PCDH11X: variants seen among roughly 807,000 people sequenced by gnomAD.
PCDH11X encodes the protein protocadherin 11 X-linked, also known as protocadherin-11 X-linked.
A neutral mutation model predicts 53.3 loss-of-function variants in PCDH11X; 18 were observed. The ratio of observed to expected loss-of-function variants is 0.34; its 90% CI spans 0.23 to 0.50. The LOEUF (loss-of-function observed/expected upper bound fraction) is 0.50, where lower values mean the gene tolerates loss of function less well. Ranked by LOEUF, PCDH11X falls within the 20% of genes least tolerant of loss-of-function variation. The probability of loss-of-function intolerance (pLI) is 0.98; values close to 1 mark genes in which losing one functional copy is unlikely to be tolerated. For synonymous variants in PCDH11X, 279 were observed against 393.3 expected (o/e 0.71, Z 3.44); for missense variants, 570 against 1,032.4 (o/e 0.55, Z 6.14).
chrX:91,941,683 G>A (rs921709243), intron 6 of PCDH11X, among the ~76,000 whole-genome samples: 4 of 108,670 alleles, frequency 3.7e-5, no homozygotes, highest in African/African-American at 1.3e-4. Context: ...TAATAGACTG[G>A]ATTGCCACTG....
intron 6 of PCDH11X, among the ~76,000 whole-genome samples, chrX:92,159,707 A>G (rs2148255934): frequency 1.0e-5 from 1 of 98,517 alleles, no homozygotes; most frequent in African/African-American, 3.6e-5. Context: ...TGATTCTAGA[A>G]TCAGGCAACA....
chrX:91,932,092 G>C (rs1029039952), intron 6 of PCDH11X, among the ~76,000 whole-genome samples: 33 of 110,537 alleles, frequency 3.0e-4, no homozygotes, highest in Non-Finnish European at 4.5e-4. Context: ...TTGATTTTCT[G>C]CTCCTGTATC....
At chrX:92,449,681 G>T (rs2072739655) in intron 9 of PCDH11X, among the ~76,000 whole-genome samples, 1 of 110,728 alleles carries the variant, frequency 9.0e-6, no homozygotes, top group East Asian at 2.9e-4. Context: ...ATTACATTGC[G>T]CTTTGCCCAT....
At chrX:91,827,568 C>T (rs1024286447) in intron 4 of PCDH11X, among the ~76,000 whole-genome samples, 8 of 107,662 alleles carry the variant, frequency 7.4e-5, no homozygotes, top group African/African-American at 2.7e-4. Context: ...GGTTGTCTTC[C>T]AAGGTTTTAT....
intron 6 of PCDH11X, among the ~76,000 whole-genome samples, chrX:92,197,500 T>C (rs911134161): frequency 3.6e-5 from 4 of 112,193 alleles, no homozygotes; most frequent in South Asian, 3.7e-4. Context: ...TTTTGATGAA[T>C]GTTATTTCCA....
chrX:91,967,359 C>G (rs371400351), intron 6 of PCDH11X, among the ~76,000 whole-genome samples: 1 of 110,774 alleles, frequency 9.0e-6, no homozygotes, highest in East Asian at 2.9e-4. Flanking sequence ...CGCGCATTAC[C>G]GCCTGAACTT....
chrX:92,564,740 C>G (rs888962881), intron 10 of PCDH11X, among the ~76,000 whole-genome samples: 17 of 111,480 alleles, frequency 1.5e-4, no homozygotes, highest in Non-Finnish European at 3.2e-4. Context: ...CTCACAAGCA[C>G]AGGCAACCAA....
intron 4 of PCDH11X, among the ~76,000 whole-genome samples, chrX:91,822,002 C>A (rs1021974959): frequency 1.9e-5 from 2 of 104,567 alleles, no homozygotes; most frequent in Admixed American, 9.9e-5. Context: ...ATTGAACCAG[C>A]CTTGCATCCC....
At chrX:92,055,719 C>G (rs2063438706) in intron 6 of PCDH11X, among the ~76,000 whole-genome samples, 1 of 110,694 alleles carries the variant, frequency 9.0e-6, no homozygotes, top group Non-Finnish European at 1.9e-5. Flanking sequence ...CCTTCACCAT[C>G]TGATAGGCCC....
intron 10 of PCDH11X, among the ~76,000 whole-genome samples, chrX:92,503,835 A>G (rs2074004056): frequency 9.0e-6 from 1 of 110,710 alleles, no homozygotes; most frequent in Non-Finnish European, 1.9e-5. Context: ...CTTATGTAAC[A>G]ATCCTGCACA....
intron 10 of PCDH11X, among the ~76,000 whole-genome samples, chrX:92,499,040 C>A (rs1328014039): frequency 1.1e-5 from 1 of 91,495 alleles, no homozygotes; most frequent in Non-Finnish European, 2.2e-5. Flanking sequence ...AAAAAGAAAT[C>A]CGCAGACAGT....
At chrX:92,613,005 A>G (rs1462272801) in intron 10 of PCDH11X, among the ~76,000 whole-genome samples, 1 of 108,812 alleles carries the variant, frequency 9.2e-6, no homozygotes, top group Non-Finnish European at 1.9e-5. Flanking sequence ...ATGTTTATGC[A>G]TGTGTGTTGG....
chrX:91,882,708 G>A (rs777713725), intron 6 of PCDH11X, among the ~76,000 whole-genome samples: 104 of 111,015 alleles, frequency 9.4e-4, no homozygotes, highest in Non-Finnish European at 1.8e-3. Context: ...CTGTAGATAT[G>A]ATACATGGAT....
At chrX:91,944,884 C>T (rs2061553559) in intron 6 of PCDH11X, among the ~76,000 whole-genome samples, 1 of 103,438 alleles carries the variant, frequency 9.7e-6, no homozygotes, top group African/African-American at 3.5e-5. Context: ...GTATATAAAT[C>T]CATTAAGTGC....
At position 92,387,967 on chromosome X, in the gene PCDH11X, C is replaced by T. The variant is rs745862004; in HGVS notation, c.3343+34C>T. 1.8e-4 allele frequency: 217 copies of T among 1,190,889 alleles called. 1 individual carries two copies. Among genetic ancestry groups the T allele is most frequent in the Middle Eastern group, 1.7e-3 (7 of 4,183 alleles). ...TACCTCTCTGGTTCCTCAATATAAACGGGCTTACTGTGTTTGCAACTCAAG... is the reference window on the plus strand; with the variant it reads ...TACCTCTCTGGTTCCTCAATATAAATGGGCTTACTGTGTTTGCAACTCAAG... On this transcript the variant is annotated intron_variant, in intron 9 of 10. Transcript: ENST00000682573.
chrX:92,618,154 A>G lies in PCDH11X; in HGVS notation c.3368-110A>G, dbSNP rs557153689. The G allele has an allele frequency of 1.1e-5, 11 of 994,913 alleles. No individual in the cohort carries two copies. The South Asian group carries it at 2.0e-4, about 18-fold the overall frequency. 82.0% of individuals were successfully genotyped at this position (994,913 alleles called of 1,213,427 possible). A position where few individuals can be genotyped will look rare whatever the true frequency, so the allele number is the denominator to read the frequency against. On this transcript the variant is annotated intron_variant, in intron 10 of 10. Transcript: ENST00000682573. The stretch of plus-strand genomic sequence containing the variant: ...ACTCTATAAATAATGGAAGTCTTTA[A>G]TGCATTTGTATATAGGTTGTTACCT...
chrX:92,171,272 G>A (rs2065821261), intron 6 of PCDH11X, among the ~76,000 whole-genome samples: 1 of 102,137 alleles, frequency 9.8e-6, no homozygotes, highest in African/African-American at 3.5e-5. Context: ...TGCCCTAAAA[G>A]TGTGTTTCCC....
chrX:91,863,984 G>T, intron 5 of PCDH11X, among the ~76,000 whole-genome samples: 1 of 111,669 alleles, frequency 9.0e-6, no homozygotes, highest in South Asian at 3.7e-4. Context: ...CTTTTGATTG[G>T]TTCATTGTTT....
At chrX:92,012,054 C>A in intron 6 of PCDH11X, among the ~76,000 whole-genome samples, 1 of 110,868 alleles carries the variant, frequency 9.0e-6, no homozygotes, top group African/African-American at 3.3e-5. Context: ...ACATATGGGG[C>A]CATTACAGCA....
Sources: gnomAD v4.1 joint callset for allele counts (sites outside exome capture counted in the v4.1 genomes callset) on GRCh38, gnomAD v4.1.1 for gene constraint, MANE v1.5 for transcripts, NCBI Gene and HGNC (gene_info 2026-07-23, HGNC 2026-07-21) for gene names.